Variants in DGKB observed in about 807,000 individuals in gnomAD.
DGKB encodes the protein 90 kDa diacylglycerol kinase.
A neutral mutation model predicts 114.3 loss-of-function variants in DGKB; 67 were observed. The observed-to-expected ratio is 0.59, with a 90% CI of 0.48 to 0.72. The LOEUF (loss-of-function observed/expected upper bound fraction) is 0.72. DGKB is among the 30% of genes least tolerant of loss of function. The pLI, the probability that DGKB is intolerant of heterozygous loss-of-function variation, is 0.00. For synonymous variants in DGKB, 398 were observed against 323.1 expected, an observed-to-expected ratio of 1.23 and a Z score of -2.49; for missense variants, 907 against 975.2, an observed-to-expected ratio of 0.93 and a Z score of 0.93.
chr7:14,685,510 TTAGAAAAA>T, intron 9 of DGKB, 148 bp from the exon 10 acceptor site: 1 of 617,014 alleles, frequency 1.6e-6, no homozygotes, highest in Admixed American at 2.7e-5. Context: ...CGCAGAGCCT[TTAGAAAAA>T]CACATGTGCT....
chr7:14,727,927 G>T lies in DGKB; in HGVS notation c.322+8114C>A, dbSNP rs184937240. Reference sequence around the variant, plus strand: ...AGAACATTCAGTAAGTCTATTTGGTGAAAGAACATTTCTCCCAAGGTTCAA... The same window carrying T: ...AGAACATTCAGTAAGTCTATTTGGTTAAAGAACATTTCTCCCAAGGTTCAA... On this transcript the variant is annotated intron_variant, in intron 5 of 25. Coordinates refer to ENST00000402815, the MANE Select transcript of DGKB (RefSeq NM_001350709.2). Among the ~76,000 whole-genome samples, 318 of 152,298 alleles carry T rather than the reference G, an allele frequency of 2.1e-3. 3 individuals carry two copies. Among genetic ancestry groups the T allele is most frequent in the African/African-American group, 7.3e-3 (304 of 41,560 alleles).
At chr7:14,278,183 C>T (rs938454558) in intron 23 of DGKB, among the ~76,000 whole-genome samples, 4 of 152,098 alleles carry the variant, frequency 2.6e-5, no homozygotes, top group Non-Finnish European at 4.4e-5. Flanking sequence ...CCTGAATAAC[C>T]ACATCAATCT....
chr7:14,508,569 T>G (rs1787473730), intron 20 of DGKB, among the ~76,000 whole-genome samples: 1 of 152,174 alleles, frequency 6.6e-6, no homozygotes, highest in Non-Finnish European at 1.5e-5. Context: ...AGTTTAATCA[T>G]TGCAGTAAAT....
At chr7:14,973,078 T>A (rs1787569012) in intron 1 of DGKB, among the ~76,000 whole-genome samples, 1 of 151,992 alleles carries the variant, frequency 6.6e-6, no homozygotes. Context: ...AACTATAATT[T>A]GTAGGGGAAG....
intron 23 of DGKB, among the ~76,000 whole-genome samples, chr7:14,335,548 A>C (rs1810496706): frequency 1.3e-5 from 2 of 152,266 alleles, no homozygotes; most frequent in African/African-American, 4.8e-5. Context: ...AATTACGTTA[A>C]GTTTTTCATT....
intron 25 of DGKB, among the ~76,000 whole-genome samples, chr7:14,175,310 G>A (rs1279934037): frequency 6.6e-6 from 1 of 152,148 alleles, no homozygotes; most frequent in African/African-American, 2.4e-5. Context: ...CACAATGCTT[G>A]TGCAAGATTA....
intron 20 of DGKB, among the ~76,000 whole-genome samples, chr7:14,556,370 G>C (rs928708851): frequency 1.3e-5 from 2 of 151,900 alleles, no homozygotes; most frequent in Middle Eastern, 3.2e-3. Flanking sequence ...TTCATTTCTA[G>C]TTGATGAATA....
intron 23 of DGKB, among the ~76,000 whole-genome samples, chr7:14,318,707 C>G (rs937409765): frequency 1.3e-5 from 2 of 151,902 alleles, no homozygotes; most frequent in African/African-American, 2.4e-5. Flanking sequence ...AACTAGTTCA[C>G]CCATTGTGGA....
chr7:14,583,274 C>T lies in DGKB; in HGVS notation c.1434-137G>A, dbSNP rs1800226566. 12 of 531,002 alleles carry T rather than the reference C, an allele frequency of 2.3e-5. No individual in the cohort carries two copies. The South Asian group carries it at 3.2e-4, about 14-fold the overall frequency. The allele number at this position is 531,002 out of a possible 1,614,324, so 32.9% of individuals were successfully genotyped here. On this transcript the variant is annotated intron_variant, in intron 17 of 25. Transcript: ENST00000402815. Reference sequence around the variant, plus strand: ...TGTAAAATATCTCAGTGATAACTTACATATCCTTTAATCCTATTTTATAAT... The same window carrying T: ...TGTAAAATATCTCAGTGATAACTTATATATCCTTTAATCCTATTTTATAAT...
intron 20 of DGKB, among the ~76,000 whole-genome samples, chr7:14,500,240 G>A (rs1785940786): frequency 6.6e-6 from 1 of 151,640 alleles, no homozygotes; most frequent in Non-Finnish European, 1.5e-5. Context: ...CCCTTTAACT[G>A]TATTGATCCA....
At chr7:14,280,829 C>T (rs1799826427) in intron 23 of DGKB, among the ~76,000 whole-genome samples, 1 of 151,082 alleles carries the variant, frequency 6.6e-6, no homozygotes, top group South Asian at 2.1e-4. Flanking sequence ...TTGTCACCAC[C>T]AGGCCTGCCC....
chr7:14,854,927 A>C (rs926631590), intron 1 of DGKB, among the ~76,000 whole-genome samples: 1 of 152,212 alleles, frequency 6.6e-6, no homozygotes, highest in East Asian at 1.9e-4. Flanking sequence ...ATTTAAAAAA[A>C]TGAACAAATT....
chr7:14,210,899 C>T (rs140426617), intron 23 of DGKB, among the ~76,000 whole-genome samples: 1 of 151,976 alleles, frequency 6.6e-6, no homozygotes, highest in Admixed American at 6.6e-5. Context: ...GCTTTATACA[C>T]CCACATTTCC....
intron 23 of DGKB, among the ~76,000 whole-genome samples, chr7:14,316,461 G>T (rs376199455): frequency 1.6e-5 from 2 of 128,700 alleles, no homozygotes; most frequent in East Asian, 4.4e-4. Context: ...TATCACCACC[G>T]ATCCCACAGA....
chr7:14,756,378 A>T (rs1053625192), intron 3 of DGKB, among the ~76,000 whole-genome samples: 3 of 151,688 alleles, frequency 2.0e-5, no homozygotes, highest in African/African-American at 7.3e-5. Flanking sequence ...CTCCTCCTCT[A>T]TGGCATCTAG....
rs188393430 is a variant in DGKB at position 14,859,882 on chromosome 7, A to G, written c.-187-18432T>C. Among the ~76,000 whole-genome samples, 246 of 152,200 alleles carry G rather than the reference A, an allele frequency of 1.6e-3. 1 individual carries two copies. Among genetic ancestry groups the G allele is most frequent in the African/African-American group, 5.6e-3 (233 of 41,552 alleles). On this transcript the variant is annotated intron_variant, in intron 1 of 25. Coordinates refer to ENST00000402815, the MANE Select transcript of DGKB (RefSeq NM_001350709.2). ...ATAATGTCACTTTATAATACACAAC[A>G]TGGGCAGTTGATTGGACACAGCACC...
chr7:14,308,342 T>C (rs999280031), intron 23 of DGKB, among the ~76,000 whole-genome samples: 1 of 152,146 alleles, frequency 6.6e-6, no homozygotes, highest in African/African-American at 2.4e-5. Context: ...ATTTGTTTTC[T>C]GTACTTAGCA....
rs534520133 is a variant in DGKB, at chr7:14,636,180, CAGT to C, written c.1135-5915_1135-5913del. 9.5e-3 allele frequency among the ~76,000 whole-genome samples: 1,441 copies of C among 151,844 alleles called. 25 individuals carry two copies. Among genetic ancestry groups the C allele is most frequent in the African/African-American group, 0.033 (1,359 of 41,514 alleles). The stretch of plus-strand genomic sequence containing the variant: ...TGAGTTAAAATTTTACACTGACTGC[CAGT>C]CAACCTTATCATGAACTTTCATTAT... On this transcript the variant is annotated intron_variant, in intron 13 of 25. Coordinates refer to ENST00000402815, the MANE Select transcript of DGKB (RefSeq NM_001350709.2).
chr7:14,971,073 C>G (rs1381152424), intron 1 of DGKB, among the ~76,000 whole-genome samples: 3 of 152,114 alleles, frequency 2.0e-5, no homozygotes, highest in Admixed American at 2.0e-4. Context: ...ACAATGAAAA[C>G]AGAACTAAGT....
Sources: gnomAD v4.1 joint callset for allele counts (sites outside exome capture counted in the v4.1 genomes callset) on GRCh38, gnomAD v4.1.1 for gene constraint, MANE v1.5 for transcripts, NCBI Gene and HGNC (gene_info 2026-07-23, HGNC 2026-07-21) for gene names.